The following TMEM120B variants were observed in gnomAD, a reference collection of about 807,000 sequenced individuals.
The protein encoded by TMEM120B is transmembrane protein 120B.
Under a neutral mutation model 55.5 loss-of-function variants are expected in TMEM120B, and 31 were observed. The ratio of observed to expected loss-of-function variants is 0.56; its 90% CI spans 0.42 to 0.75. The LOEUF (loss-of-function observed/expected upper bound fraction) is 0.75, where lower values mean the gene tolerates loss of function less well. Ranked by LOEUF, TMEM120B falls within the 30% of genes least tolerant of loss-of-function variation. The pLI, the probability that TMEM120B is intolerant of heterozygous loss-of-function variation, is 0.00. For synonymous variants in TMEM120B, 203 were observed against 176.3 expected (o/e 1.15, Z -1.20); for missense variants, 399 against 425.5 (o/e 0.94, Z 0.55).
Position 121,781,980 on chromosome 12 carries a change from T to G in TMEM120B, c.*6258T>G, listed in dbSNP as rs1874479144. 6.6e-6 allele frequency: 1 copy of G among 152,208 alleles called. No individual in the cohort carries two copies. The highest frequency in any genetic ancestry group is 1.5e-5 in the Non-Finnish European group (1 of 68,036). The allele number at this position is 152,208 out of a possible 1,614,324, so 9.4% of individuals were successfully genotyped here. A position where few individuals can be genotyped will look rare whatever the true frequency, so the allele number is the denominator to read the frequency against. On this transcript the variant is annotated 3_prime_UTR_variant, in exon 12 of 12. Transcript: ENST00000449592. ...AGGCTTGAGCTTGGTTGGGTTTGCT[T>G]TTTTCTTCTTCTTCTTTATAAACAA...
Position 121,775,675 on chromosome 12 carries a change from G to C in TMEM120B, c.973G>C (p.Val325Leu), listed in dbSNP as rs766304573. ...CAACTTCCTGACCACGCTCAAAGTC[G>C]TGCATGCCAAGCTCCAGAAGAACAG... ...LGNFLTTLKV[V>L]HAKLQKNRGK... is the part of the protein sequence containing the mutation. Residue 325 changes from valine to leucine, a missense_variant, in exon 12 of 12, where the codon GTG becomes CTG. Transcript: ENST00000449592. The surrounding 1 kb of genome is among the most constrained non-coding windows in gnomAD (Gnocchi z 4.3). 6.2e-7 allele frequency: 1 copy of C among 1,614,046 alleles called. No individual in the cohort carries two copies. The highest frequency in any genetic ancestry group is 8.5e-7 in the Non-Finnish European group (1 of 1,179,982).
chr12:121,732,332 G>T (rs942484798), intron 1 of TMEM120B, among the ~76,000 whole-genome samples: 1 of 152,124 alleles, frequency 6.6e-6, no homozygotes, highest in Non-Finnish European at 1.5e-5. Flanking sequence ...TCCTCCTCGT[G>T]GCTGGCAAAT....
intron 1 of TMEM120B, among the ~76,000 whole-genome samples, chr12:121,735,268 C>T (rs1351255430): frequency 6.6e-6 from 1 of 151,514 alleles, no homozygotes; most frequent in Admixed American, 6.6e-5. Flanking sequence ...GACAGACCAG[C>T]AGCAGAAACT....
In TMEM120B at chr12:121,743,707, C is replaced by T; in HGVS notation, c.148C>T (p.Gln50Ter). 2 of 1,613,510 alleles carry T rather than the reference C, an allele frequency of 1.2e-6. No individual in the cohort carries two copies. Among genetic ancestry groups the T allele is most frequent in the Non-Finnish European group, 1.7e-6 (2 of 1,179,924 alleles). ...GCTGTGTAGCAGTTCCATCAGTAAG[C>T]AGAAGAAGCACCTCAAGGACTTGAA... The part of the protein sequence containing the change: ...QTLCSSSISK[Q>*]KKHLKDLKLT... The change falls in exon 2 of 12, where the codon CAG becomes TAG. Residue 50 changes from glutamine to a stop codon, truncating the protein, a stop_gained. Coordinates refer to ENST00000449592, the MANE Select transcript of TMEM120B (RefSeq NM_001080825.2). LOFTEE classifies it high-confidence loss of function.
chr12:121,742,444 A>G (rs1300349478), intron 1 of TMEM120B, among the ~76,000 whole-genome samples: 3 of 152,326 alleles, frequency 2.0e-5, no homozygotes, highest in Middle Eastern at 3.4e-3. Context: ...AACAAAAAAA[A>G]TCACTTTAAA....
intron 8 of TMEM120B, among the ~76,000 whole-genome samples, chr12:121,772,752 A>G (rs1442910462): frequency 6.6e-6 from 1 of 152,232 alleles, no homozygotes; most frequent in Non-Finnish European, 1.5e-5. Context: ...TACAACCTAC[A>G]TTTTAAGTTA....
At position 121,775,157 on chromosome 12, in the gene TMEM120B, G is replaced by A; in HGVS notation, c.906+27G>A. The A allele has an allele frequency of 6.6e-7, 1 of 1,512,258 alleles. No individual in the cohort carries two copies. Among genetic ancestry groups the A allele is most frequent in the Non-Finnish European group, 9.1e-7 (1 of 1,094,086 alleles). The allele number at this position is 1,512,258 out of a possible 1,614,324, so 93.7% of individuals were successfully genotyped here. A position where few individuals can be genotyped will look rare whatever the true frequency, so the allele number is the denominator to read the frequency against. ...TATGGGGGGTGGGGGCATGCTCGGG[G>A]GAGGTTCCCGGGAGGGCTGGGGTGG... On this transcript the variant is annotated intron_variant, in intron 11 of 11. Transcript: ENST00000449592. The surrounding 1 kb of genome is among the most constrained non-coding windows in gnomAD (Gnocchi z 4.3).
In TMEM120B at chr12:121,776,084, C is replaced by T. The variant is rs922653831; in HGVS notation, c.*362C>T. ...CTCTGGGTGGGGTTTGGATGTGCCTCGCGGGGTTGGATTTATGCTGACCTG... is the reference window on the plus strand; with the variant it reads ...CTCTGGGTGGGGTTTGGATGTGCCTTGCGGGGTTGGATTTATGCTGACCTG... On this transcript the variant is annotated 3_prime_UTR_variant, in exon 12 of 12. Coordinates refer to ENST00000449592, the MANE Select transcript of TMEM120B (RefSeq NM_001080825.2). 35 of 537,544 alleles carry T rather than the reference C, an allele frequency of 6.5e-5. No individual in the cohort carries two copies. The highest frequency in any genetic ancestry group is 4.8e-4 in the African/African-American group (25 of 51,890). The allele number at this position is 537,544 out of a possible 1,614,324, so 33.3% of individuals were successfully genotyped here.
At position 121,773,405 on chromosome 12, in the gene TMEM120B, T is replaced by C. The variant is rs1008648459; in HGVS notation, c.680-16T>C. On this transcript the variant is annotated splice_polypyrimidine_tract_variant and intron_variant, in intron 8 of 11. Transcript: ENST00000449592. ...GACACCAGGCCCTGAGCCCAGGTGC[T>C]GTGCTCCCCCTGCAGGCTGCGTCCA... is the stretch of plus-strand genomic sequence containing the variant. 3 of 1,604,090 alleles carry C rather than the reference T, an allele frequency of 1.9e-6. No individual in the cohort carries two copies. Among genetic ancestry groups the C allele is most frequent in the Non-Finnish European group, 2.6e-6 (3 of 1,175,370 alleles).
intron 1 of TMEM120B, among the ~76,000 whole-genome samples, chr12:121,720,824 C>T (rs1005481299): frequency 1.3e-5 from 2 of 152,184 alleles, no homozygotes. Context: ...ACTGGACTGC[C>T]CAGCGACTTC....
intron 1 of TMEM120B, among the ~76,000 whole-genome samples, chr12:121,732,772 G>A (rs1238417402): frequency 2.0e-5 from 3 of 152,116 alleles, no homozygotes; most frequent in African/African-American, 4.8e-5. Context: ...AAAGTCAGGA[G>A]ATCCAGACCA....
chr12:121,724,030 C>CTTT (rs56972824), intron 1 of TMEM120B, among the ~76,000 whole-genome samples: 1,114 of 75,970 alleles, frequency 0.015, 16 homozygotes, highest in Non-Finnish European at 0.019. Context: ...TCAAGTGATC[C>CTTT]TTTTTTTTTT....
intron 2 of TMEM120B, among the ~76,000 whole-genome samples, chr12:121,744,122 G>C (rs947596741): frequency 6.7e-6 from 1 of 148,382 alleles, no homozygotes; most frequent in African/African-American, 2.5e-5. Context: ...GCCATGGCAT[G>C]ATTTCGGCTC....
chr12:121,772,951 T>C (rs1592950471), intron 8 of TMEM120B, among the ~76,000 whole-genome samples: 1 of 152,360 alleles, frequency 6.6e-6, no homozygotes, highest in East Asian at 1.9e-4. Context: ...CATAGAGCTT[T>C]ACTATTATAA....
At chr12:121,772,127 C>CTT (rs1874083386) in intron 8 of TMEM120B, among the ~76,000 whole-genome samples, 2 of 147,090 alleles carry the variant, frequency 1.4e-5, no homozygotes, top group South Asian at 4.4e-4. Context: ...CTCTCTCTTT[C>CTT]TCTCTTTCTT....
At chr12:121,717,638 A>G (rs186538868) in intron 1 of TMEM120B, among the ~76,000 whole-genome samples, 4 of 152,106 alleles carry the variant, frequency 2.6e-5, no homozygotes, top group African/African-American at 7.2e-5. Context: ...TTTCTCTTCT[A>G]TCTTGGCTTG....
At chr12:121,737,095 A>G (rs1895130878) in intron 1 of TMEM120B, among the ~76,000 whole-genome samples, 1 of 152,146 alleles carries the variant, frequency 6.6e-6, no homozygotes, top group Non-Finnish European at 1.5e-5. Context: ...TGTAGTGTCA[A>G]TTCTGCCATA....
chr12:121,740,901 A>C (rs765826552), intron 1 of TMEM120B, among the ~76,000 whole-genome samples: 1 of 152,048 alleles, frequency 6.6e-6, no homozygotes, highest in African/African-American at 2.4e-5. Flanking sequence ...AAATAGTAAA[A>C]ATTTTGAGCT....
In TMEM120B at chr12:121,775,337, C is replaced by T. The variant is rs1041037476; in HGVS notation, c.906+207C>T. 9.8e-5 allele frequency: 81 copies of T among 824,882 alleles called. No individual in the cohort carries two copies. Among genetic ancestry groups the T allele is most frequent in the Non-Finnish European group, 1.1e-4 (76 of 683,966 alleles). 51.1% of individuals were successfully genotyped at this position (824,882 alleles called of 1,614,324 possible). The stretch of plus-strand genomic sequence containing the variant: ...GGCAGGTGTGGGGTGTTGTGGGGGG[C>T]CTGCTTGGCGGGAGGCTTCTGGAAG... On this transcript the variant is annotated intron_variant, in intron 11 of 11. Coordinates refer to ENST00000449592, the MANE Select transcript of TMEM120B (RefSeq NM_001080825.2). The surrounding 1 kb of genome is among the most constrained non-coding windows in gnomAD (Gnocchi z 4.3).
Sources: allele counts gnomAD v4.1 joint callset (sites outside exome capture counted in the v4.1 genomes callset), GRCh38; gene constraint gnomAD v4.1.1; non-coding constraint Gnocchi (gnomAD v3.1); transcripts MANE v1.5; gene names NCBI Gene and HGNC (gene_info 2026-07-23, HGNC 2026-07-21).